Variants in DARS2 observed in about 807,000 individuals in gnomAD.
DARS2 encodes the protein aspartate--tRNA ligase, mitochondrial.
A neutral mutation model predicts 83.0 loss-of-function variants in DARS2; 63 were observed. The ratio of observed to expected loss-of-function variants is 0.76; its 90% CI spans 0.62 to 0.94. The LOEUF is 0.94. DARS2 is among the 40% of genes least tolerant of loss of function. DARS2 has a pLI of 0.00. For missense variants in DARS2, 675 were observed against 774.4 expected, an observed-to-expected ratio of 0.87 and a Z score of 1.52; for synonymous variants, 250 against 269.3, an observed-to-expected ratio of 0.93 and a Z score of 0.70.
At chr1:173,853,733 T>C in intron 14 of DARS2, 62 bp from the exon 15 acceptor site, 3 of 1,540,934 alleles carry the variant, frequency 1.9e-6, no homozygotes, top group Non-Finnish European at 1.8e-6. Context: ...TACAGGGTCT[T>C]CAACCCGTAG....
In DARS2 at chr1:173,853,451, G is replaced by A; in HGVS notation, c.1447G>A (p.Asp483Asn). The change falls in exon 14 of 17, where the codon GAT becomes AAT. Residue 483 changes from aspartate to asparagine, a missense_variant. Asp to Asn is a conservative substitution (Grantham distance 23). Coordinates refer to ENST00000649689, the MANE Select transcript of DARS2 (RefSeq NM_018122.5). ...TCTGTTCTCTTTCCTTTGGGTGGTA[G>A]ATTTCCCACTCTTCCTGCCCAAGGA... is the stretch of plus-strand genomic sequence containing the variant. ...PTLFSFLWVV[D>N]FPLFLPKEEN... 2 of 1,614,076 alleles carry A rather than the reference G, an allele frequency of 1.2e-6. No homozygotes were observed. Among genetic ancestry groups the A allele is most frequent in the Non-Finnish European group, 1.7e-6 (2 of 1,180,026 alleles).
rs1319687442 is a variant in DARS2, at chr1:173,825,258, T to C, written c.29T>C (p.Leu10Pro). The C allele has an allele frequency of 3.1e-6, 5 of 1,613,224 alleles. No homozygotes were observed. The highest frequency in any genetic ancestry group is 4.2e-6 in the Non-Finnish European group (5 of 1,179,602). Reference sequence around the variant, plus strand: ...TACTTCCCTTCTTGGTTAAGTCAGCTGTACAGGGGTTTATCCAGACCCATC... The same window carrying C: ...TACTTCCCTTCTTGGTTAAGTCAGCCGTACAGGGGTTTATCCAGACCCATC... Reference protein sequence around the residue: MYFPSWLSQLYRGLSRPIRR... With the variant: MYFPSWLSQPYRGLSRPIRR... Residue 10 changes from leucine (L) to proline (P), a missense_variant, in exon 1 of 17, where the codon CTG (leucine) becomes CCG (proline). Coordinates refer to ENST00000649689, the MANE Select transcript of DARS2 (RefSeq NM_018122.5).
intron 7 of DARS2, among the ~76,000 whole-genome samples, chr1:173,834,724 G>GTTTTTTTTTTTT (rs1203102003): frequency 1.0e-3 from 15 of 14,762 alleles, no homozygotes; most frequent in African/African-American, 2.8e-3. Flanking sequence ...TTTCCTTTGA[G>GTTTTTTTTTTTT]TTTTTTTGTT....
rs774630991 is a variant in DARS2, at chr1:173,830,739, G to A, written c.374G>A (p.Arg125His). 1.1e-5 allele frequency: 17 copies of A among 1,613,834 alleles called. No homozygotes were observed. Among genetic ancestry groups the A allele is most frequent in the Non-Finnish European group, 1.3e-5 (15 of 1,179,788 alleles). ...VVQVSGTVIS[R>H]PAGQENPKMP... is the part of the protein sequence containing the mutation. ...CAAGTGTCTGGTACAGTCATTTCCC[G>A]TCCTGCAGGACAAGAGAATCCAGTA... Residue 125 changes from arginine (R) to histidine (H), a missense_variant, in exon 4 of 17, where the codon CGT becomes CAT. By Grantham distance (29) the Arg-to-His change is conservative. Transcript: ENST00000649689.
intron 13 of DARS2, 84 bp downstream of exon 13, chr1:173,850,563 T>C: frequency 7.2e-7 from 1 of 1,382,050 alleles, no homozygotes; most frequent in African/African-American, 1.4e-5. Context: ...ACGTTTGAAC[T>C]GTAGACTGTT....
At chr1:173,856,882 A>G in intron 16 of DARS2, 141 bp downstream of exon 16, 1 of 620,618 alleles carries the variant, frequency 1.6e-6, no homozygotes, top group Admixed American at 3.0e-5. Context: ...AATTTCAGTA[A>G]TATATTTTTT....
intron 14 of DARS2, 40 bp downstream of exon 14, chr1:173,853,607 T>A (rs1444708199): frequency 1.2e-6 from 2 of 1,608,844 alleles, no homozygotes; most frequent in East Asian, 4.5e-5. Context: ...GAAATGTGTA[T>A]ATAAAGGCAA....
chr1:173,851,493 G>A (rs1157038611), intron 13 of DARS2, among the ~76,000 whole-genome samples: 1 of 152,080 alleles, frequency 6.6e-6, no homozygotes, highest in African/African-American at 2.4e-5. Context: ...CTGGCGAGCT[G>A]GAGGGCTGGC....
intron 6 of DARS2, among the ~76,000 whole-genome samples, 195 bp downstream of exon 6, chr1:173,833,694 A>G (rs973919282): frequency 6.6e-6 from 1 of 152,202 alleles, no homozygotes; most frequent in African/African-American, 2.4e-5. Flanking sequence ...TCGCTATTAC[A>G]TTGATTAATG....
In DARS2 at chr1:173,825,013, C is replaced by A; in HGVS notation, c.-217C>A. The A allele has an allele frequency of 1.9e-6, 1 of 516,332 alleles. No homozygotes were observed. 32.0% of individuals were successfully genotyped at this position (516,332 alleles called of 1,614,324 possible). ...TTAAGACTCAGGGAGAGGTCTTTCC[C>A]TTATCTCCACCCCAGCAAGCACCCC... On this transcript the variant is annotated 5_prime_UTR_variant, in exon 1 of 17. Transcript: ENST00000649689.
At chr1:173,833,646 A>T (rs757554341) in intron 6 of DARS2, 147 bp downstream of exon 6, 24 of 894,692 alleles carry the variant, frequency 2.7e-5, no homozygotes, top group Non-Finnish European at 3.8e-5. Context: ...GTTTTTGAAG[A>T]AAAGTTAACA....
At chr1:173,839,236 A>G in intron 9 of DARS2, 131 bp from the exon 10 acceptor site, 1 of 778,822 alleles carries the variant, frequency 1.3e-6, no homozygotes, top group Non-Finnish European at 2.2e-6. Context: ...GACATAAAAG[A>G]GATGTACAAT....
At chr1:173,831,733 T>G (rs1033741320) in intron 5 of DARS2, 103 bp downstream of exon 5, 19 of 939,694 alleles carry the variant, frequency 2.0e-5, no homozygotes, top group Non-Finnish European at 3.1e-5. Context: ...TCTACAAAAT[T>G]AAGCATTTTA....
intron 7 of DARS2, among the ~76,000 whole-genome samples, 164 bp downstream of exon 7, chr1:173,834,683 G>A (rs938973932): frequency 8.4e-6 from 1 of 119,524 alleles, no homozygotes; most frequent in African/African-American, 3.2e-5. Context: ...GGTATTTTGA[G>A]TCAGAATCAT....
At position 173,844,778 on chromosome 1, in the gene DARS2, A is replaced by ATTT. The variant is rs1164469532; in HGVS notation, c.1129-420_1129-418dup. Among the ~76,000 whole-genome samples, 184 of 56,874 alleles carry ATTT rather than the reference A, an allele frequency of 3.2e-3. 35 individuals are homozygous for ATTT. Among genetic ancestry groups the ATTT allele is most frequent in the Non-Finnish European group, 4.9e-3 (158 of 32,410 alleles). The allele number at this position is 56,874 out of a possible 152,430, so 37.3% of individuals were successfully genotyped here. ...TGTGTCATTTGGTAGCAGAAATTGG[A>ATTT]TTTTTTTTTTTTTTTTTTTTTTTTT... On this transcript the variant is annotated intron_variant, in intron 11 of 16. Transcript: ENST00000649689.
At chr1:173,856,133 T>C (rs1296615846) in intron 15 of DARS2, among the ~76,000 whole-genome samples, 1 of 152,200 alleles carries the variant, frequency 6.6e-6, no homozygotes, top group African/African-American at 2.4e-5. Flanking sequence ...TGTTTGAAGC[T>C]TCCCACTTGA....
intron 2 of DARS2, 124 bp downstream of exon 2, chr1:173,826,910 C>T (rs1652605144): frequency 1.3e-6 from 1 of 761,636 alleles, no homozygotes; most frequent in East Asian, 2.6e-5. Flanking sequence ...GGATTAAGAA[C>T]TTACTGAATT....
intron 6 of DARS2, among the ~76,000 whole-genome samples, chr1:173,834,041 C>A (rs1197442810): frequency 6.6e-6 from 1 of 152,134 alleles, no homozygotes; most frequent in African/African-American, 2.4e-5. Flanking sequence ...GGATTACAGG[C>A]ATGAACCACG....
chr1:173,825,689 T>G (rs1190112966), intron 1 of DARS2, among the ~76,000 whole-genome samples: 2 of 150,944 alleles, frequency 1.3e-5, no homozygotes, highest in Non-Finnish European at 2.9e-5. Context: ...CAGGATGGTC[T>G]CGATCTCCTG....
Sources: allele counts gnomAD v4.1 joint callset (sites outside exome capture counted in the v4.1 genomes callset), GRCh38; gene constraint gnomAD v4.1.1; transcripts MANE v1.5; gene names NCBI Gene and HGNC (gene_info 2026-07-23, HGNC 2026-07-21).